The following ABLIM1 variants were observed in gnomAD, a reference collection of about 807,000 sequenced individuals.
The protein encoded by ABLIM1 is actin-binding LIM protein 1.
Under a neutral mutation model 107.0 loss-of-function variants are expected in ABLIM1, and 40 were observed. The ratio of observed to expected loss-of-function variants is 0.37; its 90% CI spans 0.29 to 0.49. The LOEUF is 0.49. Among genes scored for constraint, ABLIM1 ranks in the 20% least tolerant of loss-of-function variants. The pLI is 0.97. For synonymous variants in ABLIM1, 357 were observed against 357.3 expected (o/e 1.00, Z 0.01); for missense variants, 857 against 1,008.5 (o/e 0.85, Z 2.04).
At chr10:114,552,103 G>A (rs1474948098) in intron 4 of ABLIM1, among the ~76,000 whole-genome samples, 6 of 152,190 alleles carry the variant, frequency 3.9e-5, no homozygotes, top group Admixed American at 1.3e-4. Flanking sequence ...ATCCTGACCC[G>A]AAGTATTCTG....
intron 1 of ABLIM1, among the ~76,000 whole-genome samples, chr10:114,636,759 G>A (rs957305722): frequency 4.6e-5 from 7 of 152,220 alleles, no homozygotes; most frequent in African/African-American, 9.6e-5. Flanking sequence ...AAGGCTCGGC[G>A]CAGTGGTGCA....
intron 1 of ABLIM1, among the ~76,000 whole-genome samples, chr10:114,655,679 G>C (rs1192789738): frequency 6.6e-6 from 1 of 152,138 alleles, no homozygotes; most frequent in African/African-American, 2.4e-5. Flanking sequence ...TGCTACAATA[G>C]GCATACTCAG....
chr10:114,601,744 T>A, intron 2 of ABLIM1, 83 bp downstream of exon 2: 1 of 1,592,596 alleles, frequency 6.3e-7, no homozygotes, highest in East Asian at 2.2e-5. Context: ...AGTGACCGGA[T>A]GTGGAGTTAA....
At chr10:114,595,784 G>T (rs892528489) in intron 2 of ABLIM1, among the ~76,000 whole-genome samples, 1 of 152,144 alleles carries the variant, frequency 6.6e-6, no homozygotes, top group Non-Finnish European at 1.5e-5. Flanking sequence ...CCTTCCTTCA[G>T]ATGCTGCCAT....
chr10:114,708,990 T>G (rs1415647805), intron 1 of ABLIM1, among the ~76,000 whole-genome samples: 1 of 152,204 alleles, frequency 6.6e-6, no homozygotes, highest in East Asian at 1.9e-4. Flanking sequence ...TCGAGAAGCA[T>G]TTTTTAAGAA....
chr10:114,538,772 C>A (rs1339969939), intron 6 of ABLIM1, among the ~76,000 whole-genome samples: 1 of 152,206 alleles, frequency 6.6e-6, no homozygotes, highest in African/African-American at 2.4e-5. Flanking sequence ...CAGGGAAGTA[C>A]CACTCTGCAG....
chr10:114,552,550 C>T (rs1016136856), intron 4 of ABLIM1, among the ~76,000 whole-genome samples: 1 of 151,168 alleles, frequency 6.6e-6, no homozygotes, highest in East Asian at 1.9e-4. Flanking sequence ...GAGCCCTTCA[C>T]TCTTGGCATC....
intron 8 of ABLIM1, among the ~76,000 whole-genome samples, chr10:114,486,007 C>G (rs974819565): frequency 6.6e-6 from 1 of 152,182 alleles, no homozygotes; most frequent in African/African-American, 2.4e-5. Context: ...AAGACAGTGA[C>G]CCAGAGCACT....
In ABLIM1 at chr10:114,451,646, C is replaced by G. The variant is rs748744805; in HGVS notation, c.1572G>C (p.Lys524Asn). ...VPDQGINIYR[K>N]PPIYKQHAAL... is the part of the protein sequence containing the mutation. ...TACCATGCTGTTTGTAGATGGGTGG[C>G]TTTCGGTAAATGTTGATTCCTTGAT... The change falls in exon 14 of 23, where the codon AAG becomes AAC. Residue 524 changes from lysine (K) to asparagine (N), a missense_variant. Lys to Asn is a moderately conservative substitution (Grantham distance 94). This residue lies in a region of ABLIM1 where 103 missense variants were observed against 101.0 expected (regional missense o/e 1.02). Coordinates refer to ENST00000533213, the MANE Select transcript of ABLIM1 (RefSeq NM_002313.7). 12 of 1,613,188 alleles carry G rather than the reference C, an allele frequency of 7.4e-6. No individual in the cohort carries two copies. Among genetic ancestry groups the G allele is most frequent in the Non-Finnish European group, 1.0e-5 (12 of 1,179,656 alleles).
chr10:114,559,430 T>A (rs1591198391), intron 4 of ABLIM1, among the ~76,000 whole-genome samples: 1 of 59,796 alleles, frequency 1.7e-5, no homozygotes, highest in African/African-American at 6.3e-5. Context: ...TAGCAAAAAC[T>A]CGTCTCTCAA....
At chr10:114,560,721 A>G (rs765738490) in intron 4 of ABLIM1, among the ~76,000 whole-genome samples, 2 of 152,226 alleles carry the variant, frequency 1.3e-5, no homozygotes, top group Non-Finnish European at 2.9e-5. Flanking sequence ...GCACAGACAA[A>G]TGATACGAAC....
At chr10:114,655,821 T>TA (rs1423396187) in intron 1 of ABLIM1, among the ~76,000 whole-genome samples, 1 of 151,928 alleles carries the variant, frequency 6.6e-6, no homozygotes, top group Non-Finnish European at 1.5e-5. Context: ...CTGTTAAGAG[T>TA]AAGAGACAAG....
At chr10:114,554,795 T>C (rs1242269944) in intron 4 of ABLIM1, among the ~76,000 whole-genome samples, 1 of 152,192 alleles carries the variant, frequency 6.6e-6, no homozygotes, top group East Asian at 1.9e-4. Context: ...TTTTGTCCCC[T>C]GTGTGTCTTG....
At chr10:114,514,482 C>T (rs914772559) in intron 6 of ABLIM1, among the ~76,000 whole-genome samples, 3 of 152,030 alleles carry the variant, frequency 2.0e-5, no homozygotes, top group African/African-American at 7.2e-5. Flanking sequence ...CAGTGATCCT[C>T]CCACCTCAGC....
intron 1 of ABLIM1, among the ~76,000 whole-genome samples, chr10:114,635,244 G>A (rs2078418696): frequency 6.6e-6 from 1 of 152,178 alleles, no homozygotes; most frequent in Non-Finnish European, 1.5e-5. Flanking sequence ...GTGACCAAAG[G>A]ACAGAAACCA....
In ABLIM1 at chr10:114,529,430, C is replaced by T. The variant is rs565419292; in HGVS notation, c.894+15575G>A. On this transcript the variant is annotated intron_variant, in intron 6 of 22. Coordinates refer to ENST00000533213, the MANE Select transcript of ABLIM1 (RefSeq NM_002313.7). ...AGCCACTGCGCCCGGCCTCTTCATC[C>T]TCTTTCTACTCTCCTATATTTGGAT... Among the ~76,000 whole-genome samples the T allele has an allele frequency of 1.5e-4, 23 of 152,204 alleles. No homozygotes were observed. The East Asian group carries it at 3.3e-3, about 22-fold the overall frequency.
At chr10:114,628,761 A>G (rs928593515) in intron 1 of ABLIM1, among the ~76,000 whole-genome samples, 1 of 152,272 alleles carries the variant, frequency 6.6e-6, no homozygotes, top group African/African-American at 2.4e-5. Flanking sequence ...GAGTGTTTAT[A>G]GAGCTTAATC....
At chr10:114,690,305 AAACTGGG>A in intron 1 of ABLIM1, 1 of 1,592,344 alleles carries the variant, frequency 6.3e-7, no homozygotes, top group Middle Eastern at 1.7e-4. Flanking sequence ...TGCAGATGAA[AAACTGGG>A]AACCGTTTGT....
chr10:114,598,577 ACT>A (rs1179872245), intron 2 of ABLIM1, among the ~76,000 whole-genome samples: 2 of 151,200 alleles, frequency 1.3e-5, no homozygotes, highest in African/African-American at 2.4e-5. Flanking sequence ...ACAGAGTGAG[ACT>A]CTGTATCAAA....
Sources: allele counts gnomAD v4.1 joint callset (sites outside exome capture counted in the v4.1 genomes callset), GRCh38; gene constraint gnomAD v4.1.1; regional missense constraint gnomAD v4.1.1; transcripts MANE v1.5; gene names NCBI Gene and HGNC (gene_info 2026-07-23, HGNC 2026-07-21).